The following CIT variants were observed in gnomAD, a reference collection of about 807,000 sequenced individuals.
The protein encoded by CIT is citron rho-interacting serine/threonine kinase.
Under a neutral mutation model 272.7 loss-of-function variants are expected in CIT, and 79 were observed. That is an observed-to-expected ratio of 0.29 (90% CI 0.24 to 0.35). The LOEUF is 0.35. CIT is among the 10% of genes least tolerant of loss of function. The pLI, the probability that CIT is intolerant of heterozygous loss-of-function variation, is 1.00. For synonymous variants in CIT, 948 were observed against 995.6 expected, an observed-to-expected ratio of 0.95 and a Z score of 0.90; for missense variants, 1,909 against 2,618.3, an observed-to-expected ratio of 0.73 and a Z score of 5.91.
chr12:119,719,044 G>A (rs545683314), intron 30 of CIT, 183 bp from the exon 31 acceptor site: 7 of 609,850 alleles, frequency 1.1e-5, no homozygotes, highest in South Asian at 4.3e-5. Context: ...CGTTCCAGCC[G>A]GCTGAAAAAA....
intron 46 of CIT, among the ~76,000 whole-genome samples, chr12:119,693,662 T>C (rs1956075649): frequency 6.6e-6 from 1 of 152,248 alleles, no homozygotes; most frequent in African/African-American, 2.4e-5. Context: ...GCAGTCACTC[T>C]TGAAGCAGGG....
chr12:119,815,524 T>C (rs1368391883), intron 9 of CIT, among the ~76,000 whole-genome samples: 1 of 151,990 alleles, frequency 6.6e-6, no homozygotes, highest in African/African-American at 2.4e-5. Flanking sequence ...CTGACCAACA[T>C]GGAGAAACCC....
chr12:119,686,651 G>T lies in CIT; in HGVS notation c.*1581C>A. ...TTTGAGCCTACCTAGGAGGTGCCTG[G>T]GTTGTTGAGGCGGGCCTAAGAGTCG... On this transcript the variant is annotated 3_prime_UTR_variant, in exon 48 of 48. Coordinates refer to ENST00000392521, the MANE Select transcript of CIT (RefSeq NM_001206999.2). 6.6e-6 allele frequency: 1 copy of T among 152,478 alleles called. No homozygotes were observed. 9.4% of individuals were successfully genotyped at this position (152,478 alleles called of 1,614,324 possible). A position where few individuals can be genotyped will look rare whatever the true frequency, so the allele number is the denominator to read the frequency against.
intron 10 of CIT, among the ~76,000 whole-genome samples, chr12:119,796,660 G>A (rs1965758000): frequency 6.6e-6 from 1 of 152,182 alleles, no homozygotes; most frequent in Non-Finnish European, 1.5e-5. Flanking sequence ...TACGATGGGA[G>A]GAGGCCATGG....
chr12:119,735,045 A>G lies in CIT; in HGVS notation c.3156+115T>C, dbSNP rs1281530667. 3 of 893,456 alleles carry G rather than the reference A, an allele frequency of 3.4e-6. No individual in the cohort carries two copies. In the African/African-American group the frequency reaches 5.0e-5, roughly 15 times the overall value. 55.3% of individuals were successfully genotyped at this position (893,456 alleles called of 1,614,324 possible). ...GGAAAAAAGACATGATTTTAAAAAG[A>G]GCCCAATTACTGTATGAGGTTCAGT... On this transcript the variant is annotated intron_variant, in intron 25 of 47. Transcript: ENST00000392521.
rs769310606 is a variant in CIT at position 119,767,171 on chromosome 12, C to T, written c.2220G>A (p.Glu740=). The T allele has an allele frequency of 3.7e-6, 6 of 1,609,822 alleles. No homozygotes were observed. The highest frequency in any genetic ancestry group is 4.2e-6 in the Non-Finnish European group (5 of 1,177,948). The part of the protein sequence containing the change: ...QMADKILELE[E]KHREAQVSAQ... ...CTGAGACTTGGGCCTCCCGATGTTT[C>T]TCTTCGAGCTCCTAGACACAAAAGA... Residue 740 remains glutamate, a synonymous_variant, in exon 19 of 48, where the codon GAG becomes GAA. Coordinates refer to ENST00000392521, the MANE Select transcript of CIT (RefSeq NM_001206999.2).
intron 46 of CIT, among the ~76,000 whole-genome samples, chr12:119,693,691 G>A (rs1275137972): frequency 6.6e-6 from 1 of 152,226 alleles, no homozygotes; most frequent in Non-Finnish European, 1.5e-5. Context: ...AGAGTTAGGA[G>A]CATTTAATTA....
At chr12:119,764,349 CACAGA>C (rs1260922488) in intron 19 of CIT, among the ~76,000 whole-genome samples, 1 of 152,116 alleles carries the variant, frequency 6.6e-6, no homozygotes, top group African/African-American at 2.4e-5. Context: ...AAAATGAATG[CACAGA>C]ACAGAAGATG....
At chr12:119,840,143 C>T (rs1257650493) in intron 5 of CIT, among the ~76,000 whole-genome samples, 1 of 152,102 alleles carries the variant, frequency 6.6e-6, no homozygotes, top group Non-Finnish European at 1.5e-5. Flanking sequence ...ACAGTGAGAC[C>T]CCCATCCTTA....
At position 119,846,935 on chromosome 12, in the gene CIT, C is replaced by CA. The variant is rs1969849297; in HGVS notation, c.516+3238dup. 4.0e-5 allele frequency among the ~76,000 whole-genome samples: 6 copies of CA among 149,858 alleles called. No homozygotes were observed. The South Asian group carries it at 1.3e-3, about 31-fold the overall frequency. ...AAATACGTATCTAAAACAACAATAACAAACAAACACAAACCAAAACAAACA... is the reference window on the plus strand; with the variant it reads ...AAATACGTATCTAAAACAACAATAACAAAACAAACACAAACCAAAACAAACA... On this transcript the variant is annotated intron_variant, in intron 5 of 47. Coordinates refer to ENST00000392521, the MANE Select transcript of CIT (RefSeq NM_001206999.2).
At chr12:119,796,181 C>T (rs1487022932) in intron 10 of CIT, among the ~76,000 whole-genome samples, 1 of 152,196 alleles carries the variant, frequency 6.6e-6, no homozygotes, top group Non-Finnish European at 1.5e-5. Context: ...CAGGAGCAGC[C>T]ATTAATTATG....
chr12:119,726,093 T>G (rs1958084951), intron 28 of CIT, among the ~76,000 whole-genome samples: 1 of 151,992 alleles, frequency 6.6e-6, no homozygotes, highest in Non-Finnish European at 1.5e-5. Context: ...GACATAAAAT[T>G]TACCATTTTA....
intron 41 of CIT, among the ~76,000 whole-genome samples, chr12:119,702,483 C>T (rs1042697392): frequency 6.6e-6 from 1 of 151,980 alleles, no homozygotes; most frequent in Non-Finnish European, 1.5e-5. Flanking sequence ...GTCAGGAGTT[C>T]GAGACCAGTG....
At chr12:119,854,995 ATGCCTATGG>A (rs896326482) in intron 4 of CIT, among the ~76,000 whole-genome samples, 1 of 152,158 alleles carries the variant, frequency 6.6e-6, no homozygotes, top group African/African-American at 2.4e-5. Flanking sequence ...GTGGCAGCAC[ATGCCTATGG>A]TCCCAGCTAC....
chr12:119,754,493 C>T (rs887411184), intron 22 of CIT, among the ~76,000 whole-genome samples: 3 of 152,220 alleles, frequency 2.0e-5, no homozygotes, highest in African/African-American at 4.8e-5. Context: ...GTGACAGTGA[C>T]TCAAGGGGAG....
chr12:119,857,781 A>G, intron 3 of CIT, 83 bp from the exon 4 acceptor site: 1 of 1,297,580 alleles, frequency 7.7e-7, no homozygotes, highest in Non-Finnish European at 1.1e-6. Flanking sequence ...AAAAAAGAAA[A>G]TAGCATTCGG....
chr12:119,779,309 A>G (rs1163151455), intron 13 of CIT, among the ~76,000 whole-genome samples: 1 of 152,144 alleles, frequency 6.6e-6, no homozygotes, highest in Non-Finnish European at 1.5e-5. Context: ...CCTCAAGCAG[A>G]GCCATATTAT....
At chr12:119,700,151 AAT>A (rs1331068592) in intron 44 of CIT, among the ~76,000 whole-genome samples, 1 of 152,208 alleles carries the variant, frequency 6.6e-6, no homozygotes, top group Non-Finnish European at 1.5e-5. Flanking sequence ...AAATGACTGA[AAT>A]AAATCTACAG....
chr12:119,707,960 C>T (rs1956965418), intron 40 of CIT, among the ~76,000 whole-genome samples: 1 of 152,198 alleles, frequency 6.6e-6, no homozygotes, highest in Non-Finnish European at 1.5e-5. Flanking sequence ...CCTCTGTCTT[C>T]CTTTATCTCC....
Sources: gnomAD v4.1 joint callset for allele counts (sites outside exome capture counted in the v4.1 genomes callset) on GRCh38, gnomAD v4.1.1 for gene constraint, MANE v1.5 for transcripts, NCBI Gene and HGNC (gene_info 2026-07-23, HGNC 2026-07-21) for gene names.